LSAMP: variants seen among roughly 807,000 people sequenced by gnomAD.
The protein encoded by LSAMP is limbic system-associated membrane protein.
Under a neutral mutation model 38.6 loss-of-function variants are expected in LSAMP, and 7 were observed. The observed-to-expected ratio is 0.18, with a 90% CI of 0.10 to 0.34. The LOEUF (loss-of-function observed/expected upper bound fraction) is 0.34, where lower values mean the gene tolerates loss of function less well. Ranked by LOEUF, LSAMP falls within the 10% of genes least tolerant of loss-of-function variation. The pLI is 1.00. For missense variants in LSAMP, 313 were observed against 420.0 expected (o/e 0.75, Z 2.23); for synonymous variants, 154 against 166.8 (o/e 0.92, Z 0.59).
At chr3:116,434,939 A>C (rs1336535280) in intron 1 of LSAMP, among the ~76,000 whole-genome samples, 1 of 152,196 alleles carries the variant, frequency 6.6e-6, no homozygotes, top group Non-Finnish European at 1.5e-5. Flanking sequence ...TGCATAGGTC[A>C]TCTCAGGTCC....
Position 116,239,403 on chromosome 3 carries a change from A to T in LSAMP, c.156-152847T>A, listed in dbSNP as rs960850629. ...CAAATACTATCCAGAACATATGTTTAAAAAAAAAGAGAAAGTAAAACATTT... is the reference window on the plus strand; with the variant it reads ...CAAATACTATCCAGAACATATGTTTTAAAAAAAAGAGAAAGTAAAACATTT... On this transcript the variant is annotated intron_variant, in intron 1 of 6. Transcript: ENST00000490035. Among the ~76,000 whole-genome samples, 16 of 92,060 alleles carry T rather than the reference A, an allele frequency of 1.7e-4. 1 individual carries two copies. Among genetic ancestry groups the T allele is most frequent in the Admixed American group, 1.4e-3 (12 of 8,642 alleles). The allele number at this position is 92,060 out of a possible 152,430, so 60.4% of individuals were successfully genotyped here.
intron 1 of LSAMP, among the ~76,000 whole-genome samples, chr3:116,188,666 G>A (rs538393129): frequency 2.6e-5 from 4 of 152,150 alleles, no homozygotes; most frequent in Non-Finnish European, 2.9e-5. Flanking sequence ...CCTGGGAAAC[G>A]GGATAAGAAT....
intron 1 of LSAMP, among the ~76,000 whole-genome samples, chr3:116,192,921 A>C (rs753861040): frequency 6.6e-6 from 1 of 152,218 alleles, no homozygotes; most frequent in African/African-American, 2.4e-5. Flanking sequence ...ATTGGATTAC[A>C]TTGGTACCAG....
chr3:115,945,847 C>T (rs1938080213), intron 3 of LSAMP, among the ~76,000 whole-genome samples: 1 of 152,130 alleles, frequency 6.6e-6, no homozygotes, highest in Non-Finnish European at 1.5e-5. Flanking sequence ...ACAAATTTTG[C>T]TTTTGAGTTC....
At chr3:116,229,804 T>C (rs2046382192) in intron 1 of LSAMP, among the ~76,000 whole-genome samples, 1 of 152,154 alleles carries the variant, frequency 6.6e-6, no homozygotes, top group Non-Finnish European at 1.5e-5. Flanking sequence ...GGCCAGATTT[T>C]CTTTTTCCCT....
chr3:116,001,622 G>T lies in LSAMP; in HGVS notation c.514+17893C>A, dbSNP rs529609671. 2.0e-5 allele frequency among the ~76,000 whole-genome samples: 3 copies of T among 152,312 alleles called. No homozygotes were observed. The South Asian group carries it at 6.2e-4, about 32-fold the overall frequency. ...GCTCCTTCTGGTGGTTTGAGGGGGAGAATCTGTTTCCTTGTCTTTTCCAGT... is the reference window on the plus strand; with the variant it reads ...GCTCCTTCTGGTGGTTTGAGGGGGATAATCTGTTTCCTTGTCTTTTCCAGT... On this transcript the variant is annotated intron_variant, in intron 3 of 6. Coordinates refer to ENST00000490035, the MANE Select transcript of LSAMP (RefSeq NM_002338.5).
intron 3 of LSAMP, among the ~76,000 whole-genome samples, chr3:115,905,400 A>G (rs1936983676): frequency 6.6e-6 from 1 of 152,068 alleles, no homozygotes; most frequent in African/African-American, 2.4e-5. Flanking sequence ...CTGAAAAAAA[A>G]TCAATGTTTT....
chr3:116,037,538 C>T (rs1941073621), intron 2 of LSAMP, among the ~76,000 whole-genome samples: 1 of 152,074 alleles, frequency 6.6e-6, no homozygotes, highest in Non-Finnish European at 1.5e-5. Context: ...ATAAAAATAA[C>T]ATTCCAATTT....
chr3:115,960,476 A>C (rs1479202690), intron 3 of LSAMP, among the ~76,000 whole-genome samples: 1 of 152,122 alleles, frequency 6.6e-6, no homozygotes. Context: ...AGGGCCTGGT[A>C]CTCCTTTGAA....
At chr3:116,350,157 C>T (rs1217953425) in intron 1 of LSAMP, among the ~76,000 whole-genome samples, 2 of 151,912 alleles carry the variant, frequency 1.3e-5, no homozygotes, top group South Asian at 2.1e-4. Context: ...AATGAGCCCA[C>T]GAATCAGAAG....
intron 3 of LSAMP, among the ~76,000 whole-genome samples, chr3:115,908,774 A>G (rs1312619535): frequency 6.6e-6 from 1 of 152,188 alleles, no homozygotes; most frequent in Non-Finnish European, 1.5e-5. Context: ...GAAATAAAGT[A>G]TAGGTGTCAG....
chr3:115,834,933 C>T (rs1377927422), intron 6 of LSAMP, among the ~76,000 whole-genome samples: 5 of 152,002 alleles, frequency 3.3e-5, no homozygotes, highest in Non-Finnish European at 5.9e-5. Context: ...TATTTATAAT[C>T]GTGATCAAAT....
At chr3:116,216,230 T>C (rs1249958637) in intron 1 of LSAMP, among the ~76,000 whole-genome samples, 2 of 152,168 alleles carry the variant, frequency 1.3e-5, no homozygotes, top group Admixed American at 6.5e-5. Context: ...TCCAATAAAG[T>C]TCCTCAAGGT....
At chr3:116,123,803 G>A (rs80005138) in intron 1 of LSAMP, among the ~76,000 whole-genome samples, 3,268 of 152,258 alleles carry the variant, frequency 0.021, 118 homozygotes, top group African/African-American at 0.075. Context: ...CTTTGATGCT[G>A]TACGATGTCC....
chr3:116,103,254 C>T (rs1708387031), intron 1 of LSAMP, among the ~76,000 whole-genome samples: 1 of 151,860 alleles, frequency 6.6e-6, no homozygotes, highest in African/African-American at 2.4e-5. Flanking sequence ...TCACTTGAGG[C>T]CAGGAATTTG....
intron 3 of LSAMP, 39 bp downstream of exon 3, chr3:116,019,476 A>G: frequency 6.2e-7 from 1 of 1,603,160 alleles, no homozygotes; most frequent in African/African-American, 1.3e-5. Context: ...GCATATTTTA[A>G]ACAGCATGTG....
At chr3:116,019,319 G>A (rs1468721931) in intron 3 of LSAMP, among the ~76,000 whole-genome samples, 196 bp downstream of exon 3, 1 of 151,650 alleles carries the variant, frequency 6.6e-6, no homozygotes, top group East Asian at 1.9e-4. Context: ...AGACCATGAG[G>A]ACCCTAAATA....
intron 1 of LSAMP, among the ~76,000 whole-genome samples, chr3:116,135,970 T>C (rs1157906406): frequency 2.0e-5 from 3 of 152,094 alleles, no homozygotes; most frequent in Non-Finnish European, 4.4e-5. Flanking sequence ...TCAATACCCA[T>C]GTTTGATGGC....
chr3:116,289,359 T>C (rs1353955481), intron 1 of LSAMP, among the ~76,000 whole-genome samples: 2 of 152,256 alleles, frequency 1.3e-5, no homozygotes, highest in Non-Finnish European at 2.9e-5. Context: ...AAAACCTGTT[T>C]AATTTGCTTA....
Sources: gnomAD v4.1 joint callset for allele counts (sites outside exome capture counted in the v4.1 genomes callset) on GRCh38, gnomAD v4.1.1 for gene constraint, MANE v1.5 for transcripts, NCBI Gene and HGNC (gene_info 2026-07-23, HGNC 2026-07-21) for gene names.